PAICS: variants seen among roughly 807,000 people sequenced by gnomAD.
PAICS encodes bifunctional phosphoribosylaminoimidazole carboxylase/phosphoribosylaminoimidazole succinocarboxamide synthetase.
In PAICS, 33 loss-of-function variants were observed where a neutral mutation model predicts 53.7. The observed-to-expected ratio is 0.61, with a 90% CI of 0.47 to 0.82. The LOEUF (loss-of-function observed/expected upper bound fraction) is 0.82. Among genes scored for constraint, PAICS ranks in the 40% least tolerant of loss-of-function variants. The pLI, the probability that PAICS is intolerant of heterozygous loss-of-function variation, is 0.00. For missense variants in PAICS, 394 were observed against 494.1 expected (o/e 0.80, Z 1.92); for synonymous variants, 141 against 167.2 (o/e 0.84, Z 1.21).
intron 2 of PAICS, among the ~76,000 whole-genome samples, chr4:56,443,455 T>C (rs1027676323): frequency 4.6e-5 from 7 of 152,226 alleles, no homozygotes; most frequent in Non-Finnish European, 8.8e-5. Context: ...CCCAAAGTGC[T>C]GGGATTACAG....
the PAICS span, among the ~76,000 whole-genome samples, chr4:56,428,059 G>T: frequency 6.6e-6 from 1 of 152,170 alleles, no homozygotes; most frequent in Non-Finnish European, 1.5e-5. Context: ...CACTAATAAT[G>T]AGAACAGTCT....
Position 56,441,764 on chromosome 4 carries a change from A to C in PAICS, c.118A>C (p.Thr40Pro). ...KVLLQSKDQI[T>P]AGNAARKNHL... ...CCTCCTGCAGTCCAAGGACCAGATT[A>C]CAGCAGGAAATGCAGCTAGAAAAAA... Residue 40 changes from threonine (T) to proline (P), a missense_variant, in exon 2 of 9, where the codon ACA becomes CCA. By Grantham distance (38) the Thr-to-Pro change is conservative. Transcript: ENST00000512576. 6.2e-7 allele frequency: 1 copy of C among 1,605,108 alleles called. No individual in the cohort carries two copies. Among genetic ancestry groups the C allele is most frequent in the East Asian group, 2.2e-5 (1 of 44,754 alleles).
upstream of PAICS, among the ~76,000 whole-genome samples, chr4:56,434,330 T>C (rs1717778101): frequency 6.6e-6 from 1 of 152,224 alleles, no homozygotes; most frequent in African/African-American, 2.4e-5. Context: ...TTATACGTGT[T>C]GCACCCATTT....
the PAICS span, among the ~76,000 whole-genome samples, chr4:56,427,775 C>T: frequency 1.3e-5 from 2 of 152,122 alleles, no homozygotes; most frequent in African/African-American, 4.8e-5. Flanking sequence ...CCCTGCTGCA[C>T]ATCATCACCC....
upstream of PAICS, among the ~76,000 whole-genome samples, chr4:56,431,147 T>C (rs1361128266): frequency 4.6e-5 from 7 of 152,210 alleles, no homozygotes; most frequent in South Asian, 6.2e-4. Context: ...TTGACTCAGA[T>C]AAAGGTTATA....
chr4:56,435,360 G>A, upstream of PAICS: 2 of 1,613,670 alleles, frequency 1.2e-6, no homozygotes, highest in East Asian at 2.2e-5. Context: ...CGGTGCTGCA[G>A]CCCCACGAGT....
the PAICS span, among the ~76,000 whole-genome samples, chr4:56,424,567 T>A: frequency 6.6e-6 from 1 of 152,200 alleles, no homozygotes; most frequent in Admixed American, 6.5e-5. Context: ...CTATTCCTAT[T>A]ATGTTAAGTA....
intron 8 of PAICS, among the ~76,000 whole-genome samples, chr4:56,456,095 TTTC>T (rs914458189): frequency 6.6e-6 from 1 of 152,156 alleles, no homozygotes; most frequent in African/African-American, 2.4e-5. Flanking sequence ...CTATTGAGTT[TTTC>T]TTTTTTTTCT....
chr4:56,440,837 A>G (rs974327916), intron 1 of PAICS, among the ~76,000 whole-genome samples: 1 of 152,232 alleles, frequency 6.6e-6, no homozygotes, highest in Admixed American at 6.5e-5. Flanking sequence ...AAATGTTGAT[A>G]CTGAGAGTGT....
intron 8 of PAICS, among the ~76,000 whole-genome samples, chr4:56,456,606 C>T (rs1041515864): frequency 1.3e-5 from 2 of 151,586 alleles, no homozygotes; most frequent in Non-Finnish European, 2.9e-5. Flanking sequence ...ATGGGCACTC[C>T]GTATGTTGTC....
At chr4:56,435,967 G>A, upstream of PAICS, 2 of 1,514,416 alleles carry the variant, frequency 1.3e-6, no homozygotes, top group Non-Finnish European at 1.8e-6. Context: ...CAGCCGAGAA[G>A]GGGCCGGGGT....
At chr4:56,438,389 AT>A (rs1312105251) in intron 1 of PAICS, among the ~76,000 whole-genome samples, 1 of 99,108 alleles carries the variant, frequency 1.0e-5, no homozygotes, top group East Asian at 3.1e-4. Context: ...ATATATATAT[AT>A]ATATATATAT....
At chr4:56,432,145 T>C (rs771991422), upstream of PAICS, among the ~76,000 whole-genome samples, 4 of 152,162 alleles carry the variant, frequency 2.6e-5, no homozygotes, top group Non-Finnish European at 5.9e-5. Flanking sequence ...GGACTAAATG[T>C]TTCAGATTAG....
intron 1 of PAICS, chr4:56,436,569 G>A (rs1560655119): frequency 1.4e-6 from 1 of 702,674 alleles, no homozygotes; most frequent in East Asian, 2.7e-5. Context: ...AAGGTGCCTG[G>A]AAGTATTATT....
At chr4:56,413,580 G>C in the PAICS span, among the ~76,000 whole-genome samples, 1 of 152,254 alleles carries the variant, frequency 6.6e-6, no homozygotes, top group East Asian at 1.9e-4. Context: ...GGGAAGAAGG[G>C]ACTTTCCAAA....
rs1375597323 is a variant in PAICS, at chr4:56,462,513, G to C, written c.*2975G>C. On this transcript the variant is annotated 3_prime_UTR_variant, in exon 9 of 9. Coordinates refer to ENST00000512576, the MANE Select transcript of PAICS (RefSeq NM_001079524.2). Reference sequence around the variant, plus strand: ...GTAGCCCAGGTGAGGGATGATGTATGATCTTCAACATGTCTAATTTTTTTG... The same window carrying C: ...GTAGCCCAGGTGAGGGATGATGTATCATCTTCAACATGTCTAATTTTTTTG... 8 of 152,164 alleles carry C rather than the reference G, an allele frequency of 5.3e-5. No individual in the cohort carries two copies. Among genetic ancestry groups the C allele is most frequent in the South Asian group, 2.1e-4 (1 of 4,834 alleles). 9.4% of individuals were successfully genotyped at this position (152,164 alleles called of 1,614,324 possible). A position where few individuals can be genotyped will look rare whatever the true frequency, so the allele number is the denominator to read the frequency against.
the PAICS span, among the ~76,000 whole-genome samples, chr4:56,424,405 G>A: frequency 1.3e-5 from 2 of 152,170 alleles, no homozygotes; most frequent in African/African-American, 4.8e-5. Context: ...ATCATGCTCA[G>A]ACCAGCAGAG....
chr4:56,410,643 T>C, the PAICS span: 9 of 986,604 alleles, frequency 9.1e-6, no homozygotes, highest in Non-Finnish European at 1.1e-5. Flanking sequence ...TTTATTTACA[T>C]TGCTAAAAGG....
the PAICS span, among the ~76,000 whole-genome samples, chr4:56,424,004 C>T: frequency 6.6e-6 from 1 of 152,096 alleles, no homozygotes; most frequent in African/African-American, 2.4e-5. Context: ...AATAGTCTTT[C>T]TTTAAAACAA....
Sources: gnomAD v4.1 joint callset for allele counts (sites outside exome capture counted in the v4.1 genomes callset) on GRCh38, gnomAD v4.1.1 for gene constraint, MANE v1.5 for transcripts, NCBI Gene and HGNC (gene_info 2026-07-23, HGNC 2026-07-21) for gene names.